RNF17: variants seen among roughly 807,000 people sequenced by gnomAD.
RNF17 encodes spermatogenesis associated 23.
Under a neutral mutation model 200.5 loss-of-function variants are expected in RNF17, and 31 were observed. The observed-to-expected ratio is 0.15, with a 90% confidence interval of 0.12 to 0.21. The LOEUF is 0.21. Ranked by LOEUF, RNF17 falls within the 10% of genes least tolerant of loss-of-function variation. The pLI is 1.00. For missense variants in RNF17, 1,628 were observed against 1,905.1 expected, an observed-to-expected ratio of 0.85 and a Z score of 2.71; for synonymous variants, 606 against 637.8, an observed-to-expected ratio of 0.95 and a Z score of 0.75.
Position 24,802,505 on chromosome 13 carries a change from C to T in RNF17, c.1883C>T (p.Pro628Leu), listed in dbSNP as rs150256939. 803 of 1,613,178 alleles carry T rather than the reference C, an allele frequency of 5.0e-4. 3 individuals are homozygous for T. Among genetic ancestry groups the T allele is most frequent in the South Asian group, 2.7e-3 (242 of 90,974 alleles). The change falls in exon 14 of 36, where the codon CCG becomes CTG. Residue 628 changes from proline (P) to leucine (L), a missense_variant. Physicochemically the swap from Pro to Leu is moderately conservative, Grantham distance 98 (BLOSUM62 -3). Around this residue, in one of 5 missense-constraint regions of RNF17, gnomAD observed 289 missense variants for 384.9 expected, o/e 0.75. Coordinates refer to ENST00000255324, the MANE Select transcript of RNF17 (RefSeq NM_031277.3). ...ATTGTAGATCTGCAAAAACCACCAC[C>T]GAATAAAATAAGCAGTGATATGCCT... ...VLIVDLQKPP[P>L]NKISSDMPVS...
At chr13:24,752,835 G>A in the RNF17 span, among the ~76,000 whole-genome samples, 3 of 152,202 alleles carry the variant, frequency 2.0e-5, no homozygotes, top group African/African-American at 7.2e-5. Context: ...ATGTAAGTTG[G>A]ATTGTTTGTT....
rs1892985787 is a variant in RNF17 at position 24,860,524 on chromosome 13, A to AT, written c.3775-738dup. Among the ~76,000 whole-genome samples, 3 of 152,184 alleles carry AT rather than the reference A, an allele frequency of 2.0e-5. No homozygotes were observed. In the South Asian group the frequency reaches 6.2e-4, roughly 31 times the overall value. The stretch of plus-strand genomic sequence containing the variant: ...CTAATTATCTGTGAGGTATTCAGAC[A>AT]TTTTTTGTTTAATTCTATTTTATTT... On this transcript the variant is annotated intron_variant, in intron 26 of 35. Coordinates refer to ENST00000255324, the MANE Select transcript of RNF17 (RefSeq NM_031277.3).
At chr13:24,806,451 A>G (rs1471050115) in intron 15 of RNF17, among the ~76,000 whole-genome samples, 3 of 152,102 alleles carry the variant, frequency 2.0e-5, no homozygotes, top group Non-Finnish European at 4.4e-5. Flanking sequence ...GGTTGAACTA[A>G]TTTACACTCC....
At chr13:24,875,832 G>A (rs1894799366) in intron 33 of RNF17, among the ~76,000 whole-genome samples, 1 of 152,208 alleles carries the variant, frequency 6.6e-6, no homozygotes, top group South Asian at 2.1e-4. Flanking sequence ...TTTCTGGAAA[G>A]CCAAAGAATG....
At chr13:24,883,350 C>A (rs867761254), downstream of RNF17, 3 of 1,609,522 alleles carry the variant, frequency 1.9e-6, no homozygotes, top group African/African-American at 4.0e-5. Context: ...TTATTAAACT[C>A]TATGAGTTTG....
upstream of RNF17, among the ~76,000 whole-genome samples, chr13:24,761,698 G>C (rs1450304713): frequency 6.6e-6 from 1 of 152,172 alleles, no homozygotes; most frequent in African/African-American, 2.4e-5. Context: ...TCCAAACAAA[G>C]GATTTAAACA....
Position 24,825,655 on chromosome 13 carries a change from A to T in RNF17, c.2128A>T (p.Ile710Phe), listed in dbSNP as rs368259164. The T allele has an allele frequency of 5.0e-6, 8 of 1,604,734 alleles. No individual in the cohort carries two copies. In the South Asian group the frequency reaches 7.7e-5, roughly 15 times the overall value. Reference protein sequence around the residue: ...GLDILFLLKTIEEFYKSEDGE... With the variant: ...GLDILFLLKTFEEFYKSEDGE... ...GGATATTTTATTTCTATTAAAGACA[A>T]TCGAGGAATTCTATAAAAGTGAAGA... Residue 710 changes from isoleucine (I) to phenylalanine (F), a missense_variant, in exon 16 of 36, where the codon ATC (isoleucine) becomes TTC (phenylalanine). This residue lies in a region of RNF17 where 289 missense variants were observed against 384.9 expected (regional missense o/e 0.75). Coordinates refer to ENST00000255324, the MANE Select transcript of RNF17 (RefSeq NM_031277.3).
chr13:24,850,261 G>C, intron 22 of RNF17, 80 bp from the exon 23 acceptor site: 1 of 842,106 alleles, frequency 1.2e-6, no homozygotes, highest in Non-Finnish European at 2.0e-6. Context: ...GTGTATCTGT[G>C]TGTAAATATA....
At chr13:24,885,530 A>T in the RNF17 span, 1 of 1,272,190 alleles carries the variant, frequency 7.9e-7, no homozygotes, top group South Asian at 1.2e-5. Context: ...TGGTTTAGAA[A>T]CGTTAAGTCT....
the RNF17 span, chr13:24,751,314 A>ATATTTT: frequency 6.8e-6 from 1 of 147,618 alleles, no homozygotes; most frequent in Non-Finnish European, 1.5e-5. Flanking sequence ...ATATATATAT[A>ATATTTT]TTTTTTTTTA....
At chr13:24,776,292 C>G (rs1260104076) in intron 3 of RNF17, among the ~76,000 whole-genome samples, 1 of 152,132 alleles carries the variant, frequency 6.6e-6, no homozygotes, top group African/African-American at 2.4e-5. Context: ...TATAGTTGTT[C>G]ATTAAGTATT....
At chr13:24,869,934 A>ATT (rs34196797) in intron 31 of RNF17, among the ~76,000 whole-genome samples, 2,395 of 83,744 alleles carry the variant, frequency 0.029, 77 homozygotes, top group African/African-American at 0.057. Context: ...TGCCCAGCTA[A>ATT]TTTTTTTTTT....
At chr13:24,749,776 G>C in the RNF17 span, among the ~76,000 whole-genome samples, 9 of 152,238 alleles carry the variant, frequency 5.9e-5, no homozygotes, top group East Asian at 1.7e-3. Context: ...TTGAGATGGA[G>C]TCTGTCTCTT....
intron 27 of RNF17, 80 bp downstream of exon 27, chr13:24,861,467 T>C (rs1423883279): frequency 2.9e-6 from 3 of 1,027,972 alleles, no homozygotes; most frequent in Non-Finnish European, 4.0e-6. Flanking sequence ...ATTTAGAATG[T>C]AAAATGAAAT....
chr13:24,884,259 C>A (rs375165864), downstream of RNF17: 1 of 1,614,008 alleles, frequency 6.2e-7, no homozygotes, highest in African/African-American at 1.3e-5. Flanking sequence ...TAAAGACACA[C>A]AGTCAGTCTG....
chr13:24,767,575 C>A (rs150747893), intron 2 of RNF17, among the ~76,000 whole-genome samples: 3,554 of 152,008 alleles, frequency 0.023, 139 homozygotes, highest in African/African-American at 0.082. Flanking sequence ...TGGGGAAACC[C>A]CGTCTCTACT....
chr13:24,816,491 T>C (rs1022720694), intron 15 of RNF17, among the ~76,000 whole-genome samples: 1 of 152,196 alleles, frequency 6.6e-6, no homozygotes, highest in African/African-American at 2.4e-5. Context: ...ACCAGAGTCA[T>C]GCAAATAATT....
At position 24,830,644 on chromosome 13, in the gene RNF17, A is replaced by T. The variant is rs773015530; in HGVS notation, c.2361+45A>T. On this transcript the variant is annotated intron_variant, in intron 17 of 35. Transcript: ENST00000255324. ...TTCTAGGGCTAGAATATCAGCACAAATATGGAAGTATTTTTAGAAGCTATT... is the reference window on the plus strand; with the variant it reads ...TTCTAGGGCTAGAATATCAGCACAATTATGGAAGTATTTTTAGAAGCTATT... 2.4e-6 allele frequency: 3 copies of T among 1,260,568 alleles called. No individual in the cohort carries two copies. In the African/African-American group the frequency reaches 4.5e-5, roughly 19 times the overall value. The allele number at this position is 1,260,568 out of a possible 1,614,324, so 78.1% of individuals were successfully genotyped here.
At chr13:24,845,759 A>C (rs991500408) in intron 22 of RNF17, among the ~76,000 whole-genome samples, 2 of 152,220 alleles carry the variant, frequency 1.3e-5, no homozygotes, top group Non-Finnish European at 2.9e-5. Flanking sequence ...TGCAAGAAAG[A>C]GATCTGTAAA....
Sources: gnomAD v4.1 joint callset for allele counts (sites outside exome capture counted in the v4.1 genomes callset) on GRCh38, gnomAD v4.1.1 for gene constraint, gnomAD v4.1.1 regional missense constraint, MANE v1.5 for transcripts, NCBI Gene and HGNC (gene_info 2026-07-23, HGNC 2026-07-21) for gene names.